The following SH3BP5 variants were observed in gnomAD, a reference collection of about 807,000 sequenced individuals.
The protein encoded by SH3BP5 is SH3 domain binding protein 5, also known as SH3 domain-binding protein 5.
Under a neutral mutation model 43.3 loss-of-function variants are expected in SH3BP5, and 22 were observed. The ratio of observed to expected loss-of-function variants is 0.51; its 90% CI spans 0.36 to 0.73. The LOEUF (loss-of-function observed/expected upper bound fraction) is 0.73, where lower values mean the gene tolerates loss of function less well. Ranked by LOEUF, SH3BP5 falls within the 30% of genes least tolerant of loss-of-function variation. The probability of loss-of-function intolerance (pLI) is 0.00; values close to 1 mark genes in which losing one functional copy is unlikely to be tolerated. For synonymous variants in SH3BP5, 255 were observed against 225.8 expected (o/e 1.13, Z -1.16); for missense variants, 529 against 586.9 (o/e 0.90, Z 1.02).
chr3:15,309,192 C>A (rs1476376121), intron 2 of SH3BP5, among the ~76,000 whole-genome samples: 4 of 152,082 alleles, frequency 2.6e-5, no homozygotes, highest in Non-Finnish European at 4.4e-5. Context: ...GAAATAAATA[C>A]CTCCATCAGC....
At chr3:15,269,674 C>A (rs542957618) in intron 4 of SH3BP5, 39 bp downstream of exon 4, 2 of 1,493,568 alleles carry the variant, frequency 1.3e-6, no homozygotes, top group Non-Finnish European at 1.8e-6. Flanking sequence ...CGCGCATGCA[C>A]GCGCACACCC....
rs1222905430 is a variant in SH3BP5 at position 15,269,767 on chromosome 3, G to T, written c.441C>A (p.Asp147Glu). The change falls in exon 4 of 9, where the codon GAC becomes GAA. Residue 147 changes from aspartate to glutamate, a missense_variant. Coordinates refer to ENST00000383791, the MANE Select transcript of SH3BP5 (RefSeq NM_004844.5). ...GCCAGGCGGAGTCGAACTGCCGCTTGTCATCCTCCAGCAGCCGCTGCTCGG... is the reference window on the plus strand; with the variant it reads ...GCCAGGCGGAGTCGAACTGCCGCTTTTCATCCTCCAGCAGCCGCTGCTCGG... ...SLAEQRLLED[D>E]KRQFDSAWQE... 6.2e-7 allele frequency: 1 copy of T among 1,612,118 alleles called. No homozygotes were observed. Among genetic ancestry groups the T allele is most frequent in the Non-Finnish European group, 8.5e-7 (1 of 1,178,866 alleles).
At chr3:15,301,375 T>C (rs1356947767) in intron 3 of SH3BP5, among the ~76,000 whole-genome samples, 1 of 152,180 alleles carries the variant, frequency 6.6e-6, no homozygotes, top group South Asian at 2.1e-4. Context: ...AGTTTGTTCA[T>C]TTATTGATTT....
At chr3:15,265,163 A>G (rs1029450014) in intron 4 of SH3BP5, among the ~76,000 whole-genome samples, 3 of 152,028 alleles carry the variant, frequency 2.0e-5, no homozygotes, top group African/African-American at 7.2e-5. Flanking sequence ...GCTTCGCCCC[A>G]CCAGGCCACG....
chr3:15,262,245 A>G lies in SH3BP5; in HGVS notation c.540T>C (p.His180=), dbSNP rs149659262. 3,914 of 1,614,096 alleles carry G rather than the reference A, an allele frequency of 2.4e-3. 8 individuals are homozygous for G. The highest frequency in any genetic ancestry group is 3.1e-3 in the Non-Finnish European group (3,649 of 1,180,028). ...EQTKTRSELV[H]KETAARYNAA... ...CATTGTACCTGGCTGCCGTCTCCTT[A>G]TGCACCAGCTCGCTCCTGGTCTTGG... is the stretch of plus-strand genomic sequence containing the variant. Residue 180 remains histidine, a synonymous_variant, in exon 5 of 9, where the codon CAT becomes CAC. Coordinates refer to ENST00000383791, the MANE Select transcript of SH3BP5 (RefSeq NM_004844.5).
At chr3:15,334,254 G>C (rs529773441), upstream of SH3BP5, among the ~76,000 whole-genome samples, 34 of 152,260 alleles carry the variant, frequency 2.2e-4, no homozygotes, top group African/African-American at 7.7e-4. Flanking sequence ...ATCTGGGCCA[G>C]CTATAGTGTT....
rs560244910 is a variant in SH3BP5 at position 15,287,256 on chromosome 3, G to C, written c.330+16847C>G. 2.6e-5 allele frequency among the ~76,000 whole-genome samples: 4 copies of C among 152,360 alleles called. No individual in the cohort carries two copies. The East Asian group carries it at 7.7e-4, about 29-fold the overall frequency. The stretch of plus-strand genomic sequence containing the variant: ...TTGTGGGTATTAACCCACATGACAT[G>C]CATGATATTTAAAGGGACGCAACAT... On this transcript the variant is annotated intron_variant, in intron 3 of 8. Transcript: ENST00000383791.
intron 1 of SH3BP5, chr3:15,339,677 T>C (rs1698740486): frequency 6.6e-6 from 1 of 151,956 alleles, no homozygotes; most frequent in Non-Finnish European, 1.5e-5. Flanking sequence ...GCCACTGCAC[T>C]CCAGCCTGGG....
intron 1 of SH3BP5, among the ~76,000 whole-genome samples, chr3:15,338,431 T>C (rs773826313): frequency 3.9e-5 from 6 of 152,250 alleles, no homozygotes; most frequent in Non-Finnish European, 7.3e-5. Context: ...AGAATGAATC[T>C]GCATTCACAT....
At chr3:15,321,770 A>G (rs113620643) in intron 2 of SH3BP5, among the ~76,000 whole-genome samples, 3,042 of 151,764 alleles carry the variant, frequency 0.02, 101 homozygotes, top group African/African-American at 0.069. Flanking sequence ...AAAACAAACT[A>G]GGAAAGTAAA....
intron 5 of SH3BP5, among the ~76,000 whole-genome samples, chr3:15,260,785 C>T (rs1360351109): frequency 6.6e-6 from 1 of 152,082 alleles, no homozygotes; most frequent in Non-Finnish European, 1.5e-5. Flanking sequence ...GGCCTGGAAG[C>T]CACTCTGTGG....
intron 3 of SH3BP5, among the ~76,000 whole-genome samples, chr3:15,299,191 C>A (rs1348888192): frequency 1.3e-5 from 2 of 152,214 alleles, no homozygotes; most frequent in African/African-American, 4.8e-5. Flanking sequence ...TCAGACTGCT[C>A]CCCTACCATA....
chr3:15,330,740 C>G, intron 1 of SH3BP5, 174 bp from the exon 2 acceptor site: 1 of 985,248 alleles, frequency 1.0e-6, no homozygotes. Context: ...AAATGAATGT[C>G]GGCATTTCTG....
rs368561302 is a variant in SH3BP5, at chr3:15,258,949, G to T, written c.771C>A (p.Ile257=). 15 of 1,614,078 alleles carry T rather than the reference G, an allele frequency of 9.3e-6. No homozygotes were observed. Among genetic ancestry groups the T allele is most frequent in the Non-Finnish European group, 1.3e-5 (15 of 1,180,042 alleles). Residue 257 remains isoleucine (I), a synonymous_variant, in exon 7 of 9, where the codon ATC becomes ATA. Coordinates refer to ENST00000383791, the MANE Select transcript of SH3BP5 (RefSeq NM_004844.5). ...TGGCACTGGAGCGCCGCCGCTCGTG[G>T]ATCTCATCTGAGATCATCTCCAGGT... ...LKNLEMISDE[I]HERRRSSAMG... is the part of the protein sequence containing the mutation.
chr3:15,284,517 C>T (rs918126028), intron 3 of SH3BP5, among the ~76,000 whole-genome samples: 2 of 152,226 alleles, frequency 1.3e-5, no homozygotes, highest in African/African-American at 4.8e-5. Context: ...AAGTCGTTAA[C>T]ATTCCTCGTG....
chr3:15,283,269 G>T (rs1272113254), intron 3 of SH3BP5, among the ~76,000 whole-genome samples: 1 of 152,066 alleles, frequency 6.6e-6, no homozygotes, highest in Non-Finnish European at 1.5e-5. Context: ...GTGGTGGCAG[G>T]CGCCTGTAGT....
intron 5 of SH3BP5, among the ~76,000 whole-genome samples, chr3:15,261,008 G>A (rs1329206208): frequency 6.6e-6 from 1 of 152,202 alleles, no homozygotes; most frequent in Non-Finnish European, 1.5e-5. Context: ...ACCAAAGGAA[G>A]CAGCATCAAA....
chr3:15,258,351 G>T (rs1696300638), intron 7 of SH3BP5, among the ~76,000 whole-genome samples: 1 of 151,986 alleles, frequency 6.6e-6, no homozygotes, highest in South Asian at 2.1e-4. Flanking sequence ...GTGCTTCTTG[G>T]GTGTCAGGGG....
At chr3:15,291,180 A>C (rs1697402978) in intron 3 of SH3BP5, among the ~76,000 whole-genome samples, 1 of 152,204 alleles carries the variant, frequency 6.6e-6, no homozygotes, top group Admixed American at 6.5e-5. Context: ...CAGCAGCATG[A>C]GCATTCGCAT....
Sources: allele counts gnomAD v4.1 joint callset (sites outside exome capture counted in the v4.1 genomes callset), GRCh38; gene constraint gnomAD v4.1.1; transcripts MANE v1.5; gene names NCBI Gene and HGNC (gene_info 2026-07-23, HGNC 2026-07-21).